CEP152: variants seen among roughly 807,000 people sequenced by gnomAD.
CEP152 encodes the protein centrosomal protein of 152 kDa.
A neutral mutation model predicts 188.9 loss-of-function variants in CEP152; 132 were observed. The ratio of observed to expected loss-of-function variants is 0.70; its 90% CI spans 0.61 to 0.81. CEP152 has a LOEUF of 0.81. Ranked by LOEUF, CEP152 falls within the 30% of genes least tolerant of loss-of-function variation. CEP152 has a pLI of 0.00. For synonymous variants in CEP152, 649 were observed against 666.6 expected (o/e 0.97, Z 0.41); for missense variants, 1,914 against 1,969.8 (o/e 0.97, Z 0.54).
intron 12 of CEP152, 69 bp from the exon 13 acceptor site, chr15:48,772,760 C>A: frequency 4.5e-6 from 6 of 1,332,100 alleles, no homozygotes; most frequent in Non-Finnish European, 6.5e-6. Flanking sequence ...TCCCTAAAAG[C>A]ACTGACCACA....
rs1458489268 is a variant in CEP152, at chr15:48,796,287, TATACACACACACAC to T, written c.541-141_541-128del. On this transcript the variant is annotated intron_variant, in intron 5 of 26. Coordinates refer to ENST00000380950, the MANE Select transcript of CEP152 (RefSeq NM_001194998.2). Reference sequence around the variant, plus strand: ...GGTACAGTTCAAAGTTGTTTATATATATACACACACACACACACACACACACACACACACACATA... The same window carrying T: ...GGTACAGTTCAAAGTTGTTTATATATACACACACACACACACACACACATA... 200 of 692,578 alleles carry T rather than the reference TATACACACACACAC, an allele frequency of 2.9e-4. 1 individual carries two copies. In the African/African-American group the frequency reaches 3.0e-3, roughly 10 times the overall value. 42.9% of individuals were successfully genotyped at this position (692,578 alleles called of 1,614,324 possible). A position where few individuals can be genotyped will look rare whatever the true frequency, so the allele number is the denominator to read the frequency against.
At chr15:48,798,827 G>T (rs760836769) in intron 2 of CEP152, among the ~76,000 whole-genome samples, 2 of 152,098 alleles carry the variant, frequency 1.3e-5, no homozygotes, top group South Asian at 4.1e-4. Flanking sequence ...GTGATAAAAA[G>T]ATGAGTAAAT....
chr15:48,751,544 G>A (rs1245867021), intron 21 of CEP152, among the ~76,000 whole-genome samples: 2 of 152,194 alleles, frequency 1.3e-5, no homozygotes, highest in Non-Finnish European at 2.9e-5. Context: ...TTAGAAATGT[G>A]TGCAAACTGA....
At chr15:48,754,596 G>A (rs1468373047) in intron 20 of CEP152, among the ~76,000 whole-genome samples, 1 of 152,084 alleles carries the variant, frequency 6.6e-6, no homozygotes, top group Non-Finnish European at 1.5e-5. Context: ...TTACATTGAA[G>A]GCAACTACTC....
Position 48,755,943 on chromosome 15 carries a change from A to C in CEP152, c.3305T>G (p.Leu1102Arg), listed in dbSNP as rs1894225308. ...GTCAGCGTTTTCTACAAGCAGAGGA[A>C]GTGTATCTTGAAATGCTTTCTGTAT... ...GCIQKAFQDT[L>R]PLLVENADPE... The change falls in exon 20 of 27, where the codon CTT becomes CGT. Residue 1102 changes from leucine to arginine, a missense_variant. Physicochemically the swap from Leu to Arg is moderately radical, Grantham distance 102. Coordinates refer to ENST00000380950, the MANE Select transcript of CEP152 (RefSeq NM_001194998.2). 2 of 1,614,036 alleles carry C rather than the reference A, an allele frequency of 1.2e-6. No individual in the cohort carries two copies. Among genetic ancestry groups the C allele is most frequent in the Non-Finnish European group, 1.7e-6 (2 of 1,179,946 alleles).
chr15:48,799,152 C>G (rs1174235074), intron 2 of CEP152, among the ~76,000 whole-genome samples: 1 of 150,834 alleles, frequency 6.6e-6, no homozygotes, highest in East Asian at 1.9e-4. Context: ...CTTTGTAAAA[C>G]CTTTCAGGAA....
At chr15:48,802,837 T>C (rs539257099) in intron 2 of CEP152, among the ~76,000 whole-genome samples, 43 of 152,340 alleles carry the variant, frequency 2.8e-4, no homozygotes, top group African/African-American at 9.9e-4. Flanking sequence ...AGCTGCTCAT[T>C]AGGATGGCAT....
intron 19 of CEP152, among the ~76,000 whole-genome samples, chr15:48,759,858 A>C (rs529104577): frequency 2.6e-4 from 40 of 152,316 alleles, no homozygotes; most frequent in Non-Finnish European, 1.5e-5. Flanking sequence ...TAATAAACAA[A>C]TATATACCTG....
intron 12 of CEP152, among the ~76,000 whole-genome samples, chr15:48,779,616 G>C (rs1054846298): frequency 1.3e-5 from 2 of 152,152 alleles, no homozygotes; most frequent in Non-Finnish European, 2.9e-5. Context: ...TTTTAAGCTT[G>C]ATAAGAAAAC....
At chr15:48,802,565 T>C (rs959091766) in intron 2 of CEP152, among the ~76,000 whole-genome samples, 7 of 152,186 alleles carry the variant, frequency 4.6e-5, no homozygotes, top group African/African-American at 1.7e-4. Flanking sequence ...CTTTTACTAA[T>C]GTACCATTAA....
intron 6 of CEP152, among the ~76,000 whole-genome samples, chr15:48,794,500 G>A (rs1897170581): frequency 6.6e-6 from 1 of 152,172 alleles, no homozygotes; most frequent in African/African-American, 2.4e-5. Context: ...TTATAGTAGA[G>A]CTAGCCCCAT....
chr15:48,792,070 G>A (rs1897027531), intron 7 of CEP152, among the ~76,000 whole-genome samples: 1 of 152,122 alleles, frequency 6.6e-6, no homozygotes, highest in South Asian at 2.1e-4. Context: ...TCGGCTCACT[G>A]CAAGCTCCGC....
rs1040173915 is a variant in CEP152 at position 48,760,268 on chromosome 15, T to C, written c.2563-2A>G. On this transcript the variant is annotated splice_acceptor_variant, in intron 18 of 26. Transcript: ENST00000380950. LOFTEE classifies it high-confidence loss of function. Reference sequence around the variant, plus strand: ...AGCATTTTGCACAGCTATTTCTACCTGTAGGACATTGCAAAAGAAAGAGGT... The same window carrying C: ...AGCATTTTGCACAGCTATTTCTACCCGTAGGACATTGCAAAAGAAAGAGGT... 3 of 1,613,862 alleles carry C rather than the reference T, an allele frequency of 1.9e-6. No individual in the cohort carries two copies. Among genetic ancestry groups the C allele is most frequent in the Admixed American group, 1.7e-5 (1 of 59,998 alleles).
downstream of CEP152, among the ~76,000 whole-genome samples, chr15:48,735,109 C>T (rs1182501744): frequency 6.6e-6 from 1 of 152,070 alleles, no homozygotes; most frequent in Non-Finnish European, 1.5e-5. Flanking sequence ...GGCCATATGC[C>T]AGGCCATAAA....
intron 5 of CEP152, among the ~76,000 whole-genome samples, chr15:48,796,543 T>C (rs537534818): frequency 6.6e-6 from 1 of 152,210 alleles, no homozygotes; most frequent in East Asian, 1.9e-4. Flanking sequence ...AATGCACATA[T>C]CCAATAACAT....
intron 7 of CEP152, among the ~76,000 whole-genome samples, chr15:48,791,982 TAC>T (rs1290314359): frequency 6.6e-6 from 1 of 152,186 alleles, no homozygotes; most frequent in Non-Finnish European, 1.5e-5. Flanking sequence ...CTAATTATCC[TAC>T]ACATACTTGC....
chr15:48,792,903 GC>G (rs1268451263), intron 7 of CEP152, among the ~76,000 whole-genome samples: 5 of 149,724 alleles, frequency 3.3e-5, no homozygotes, highest in Non-Finnish European at 5.9e-5. Context: ...TGCAACCTCC[GC>G]CTGCAGGTTC....
intron 1 of CEP152, among the ~76,000 whole-genome samples, chr15:48,806,357 A>G (rs1341548219): frequency 6.6e-6 from 1 of 152,220 alleles, no homozygotes; most frequent in African/African-American, 2.4e-5. Flanking sequence ...AGCAGCAGGA[A>G]ATGGGTTTTC....
Position 48,768,265 on chromosome 15 carries a change from G to A in CEP152, c.1972C>T (p.Gln658Ter), listed in dbSNP as rs886051264. Residue 658 changes from glutamine (Q) to a stop codon, truncating the protein, a stop_gained, in exon 15 of 27, where the codon CAA (glutamine) becomes TAA (stop). Coordinates refer to ENST00000380950, the MANE Select transcript of CEP152 (RefSeq NM_001194998.2). LOFTEE classifies it high-confidence loss of function. ...TCATGGTCAAAATCTTGTACCATTTGTCTCATTTGATTACATAAGTCTTGA... is the reference window on the plus strand; with the variant it reads ...TCATGGTCAAAATCTTGTACCATTTATCTCATTTGATTACATAAGTCTTGA... ...TNQDLCNQMR[Q>*]MVQDFDHDKQ... 3.7e-6 allele frequency: 6 copies of A among 1,612,534 alleles called. No individual in the cohort carries two copies. The East Asian group carries it at 1.3e-4, about 36-fold the overall frequency.
Sources: allele counts gnomAD v4.1 joint callset (sites outside exome capture counted in the v4.1 genomes callset), GRCh38; gene constraint gnomAD v4.1.1; transcripts MANE v1.5; gene names NCBI Gene and HGNC (gene_info 2026-07-23, HGNC 2026-07-21).